The following CCDC7 variants were observed in gnomAD, a reference collection of about 807,000 sequenced individuals.
CCDC7 encodes coiled-coil domain containing 7, also known as coiled-coil domain-containing protein 7.
CCDC7 carries 183 observed loss-of-function variants against 196.9 expected under a neutral mutation model. The ratio of observed to expected loss-of-function variants is 0.93; its 90% CI spans 0.82 to 1.05. CCDC7 has a LOEUF of 1.05. Among genes scored for constraint, CCDC7 ranks in the 50% least tolerant of loss-of-function variants. The pLI, the probability that CCDC7 is intolerant of heterozygous loss-of-function variation, is 0.00. For missense variants in CCDC7, 1,540 were observed against 1,482.2 expected (o/e 1.04, Z -0.64); for synonymous variants, 525 against 484.6 (o/e 1.08, Z -1.10).
intron 18 of CCDC7, among the ~76,000 whole-genome samples, chr10:32,617,028 A>G (rs1252589507): frequency 6.6e-6 from 1 of 151,738 alleles, no homozygotes; most frequent in Non-Finnish European, 1.5e-5. Context: ...GGGTGTTTGT[A>G]TGTTTCCAGA....
At chr10:32,458,459 ATGTGTGTG>A (rs57148461) in intron 3 of CCDC7, among the ~76,000 whole-genome samples, 14 of 141,934 alleles carry the variant, frequency 9.9e-5, no homozygotes, top group African/African-American at 2.6e-4. Context: ...GTGTGTTTGC[ATGTGTGTG>A]TGTGTGTGTG....
intron 41 of CCDC7, among the ~76,000 whole-genome samples, chr10:32,863,275 A>G (rs2094074722): frequency 1.3e-5 from 2 of 152,114 alleles, no homozygotes; most frequent in Admixed American, 1.3e-4. Context: ...ATAGTAATCA[A>G]ACTCATATGG....
In CCDC7 at chr10:32,770,057, C is replaced by T. The variant is rs2078933432; in HGVS notation, c.2906-8920C>T. Among the ~76,000 whole-genome samples the T allele has an allele frequency of 3.3e-5, 5 of 152,204 alleles. 1 individual carries two copies. The South Asian group carries it at 6.2e-4, about 19-fold the overall frequency. On this transcript the variant is annotated intron_variant, in intron 28 of 41. Coordinates refer to ENST00000639629, the Ensembl canonical transcript of CCDC7. ...TCTAGATCCTTGAGGAGTCACCACA[C>T]TGTCTTCCACAATGGTTGAACTAAT...
intron 13 of CCDC7, among the ~76,000 whole-genome samples, chr10:32,559,154 AAGC>A (rs1421265265): frequency 6.6e-6 from 1 of 152,234 alleles, no homozygotes; most frequent in Admixed American, 6.5e-5. Context: ...TAGGTAAACA[AAGC>A]AGCCAGGAAG....
intron 11 of CCDC7, among the ~76,000 whole-genome samples, chr10:32,531,963 ATGT>A (rs1379547222): frequency 3.9e-5 from 6 of 151,976 alleles, no homozygotes; most frequent in African/African-American, 1.4e-4. Flanking sequence ...AGGCTTATCA[ATGT>A]TGTTTATCTT....
At chr10:32,478,132 C>A (rs2039333496) in intron 8 of CCDC7, among the ~76,000 whole-genome samples, 1 of 152,076 alleles carries the variant, frequency 6.6e-6, no homozygotes, top group African/African-American at 2.4e-5. Context: ...ATTTAAAATT[C>A]AAATACAAAT....
chr10:32,722,266 A>G (rs1204182319), intron 25 of CCDC7, among the ~76,000 whole-genome samples: 1 of 152,146 alleles, frequency 6.6e-6, no homozygotes, highest in Non-Finnish European at 1.5e-5. Context: ...TACTAAAACA[A>G]TATAACTATA....
intron 24 of CCDC7, among the ~76,000 whole-genome samples, chr10:32,699,102 G>C (rs765861437): frequency 1.3e-5 from 2 of 151,820 alleles, no homozygotes; most frequent in Admixed American, 1.3e-4. Context: ...TGTGTACAAC[G>C]TGCAGGTTTG....
At chr10:32,642,450 A>T (rs562285244) in intron 20 of CCDC7, among the ~76,000 whole-genome samples, 6 of 152,228 alleles carry the variant, frequency 3.9e-5, no homozygotes, top group Non-Finnish European at 8.8e-5. Context: ...CCTCCGAGCC[A>T]GGTGCGGGAT....
chr10:32,611,952 G>T (rs2062196596), intron 18 of CCDC7, among the ~76,000 whole-genome samples: 1 of 152,112 alleles, frequency 6.6e-6, no homozygotes, highest in African/African-American at 2.4e-5. Flanking sequence ...CTAATTCTCT[G>T]AAGAAAGTCA....
intron 29 of CCDC7, among the ~76,000 whole-genome samples, chr10:32,780,921 T>C (rs1005557859): frequency 2.6e-5 from 4 of 152,124 alleles, no homozygotes; most frequent in African/African-American, 7.2e-5. Context: ...GACAAAACTT[T>C]AGCTAGATTG....
chr10:32,669,351 C>T (rs895338275), intron 21 of CCDC7, among the ~76,000 whole-genome samples: 10 of 152,036 alleles, frequency 6.6e-5, no homozygotes, highest in Non-Finnish European at 1.5e-4. Context: ...TTTGTCTTTT[C>T]TTGTAGTGTC....
intron 20 of CCDC7, among the ~76,000 whole-genome samples, chr10:32,652,223 A>G (rs191869378): frequency 6.6e-6 from 1 of 152,282 alleles, no homozygotes; most frequent in South Asian, 2.1e-4. Context: ...TCTCATATAA[A>G]TGTAGCTACT....
chr10:32,793,236 A>G (rs4287245), intron 29 of CCDC7, among the ~76,000 whole-genome samples: 139,251 of 152,176 alleles, frequency 0.92, 64,647 homozygotes, highest in East Asian at 1. Context: ...GGAAGATTAC[A>G]TAATCAAGGC....
intron 24 of CCDC7, among the ~76,000 whole-genome samples, chr10:32,701,108 A>G (rs1011819292): frequency 1.4e-4 from 21 of 152,084 alleles, no homozygotes; most frequent in Non-Finnish European, 2.6e-4. Flanking sequence ...TAGGAGTGGT[A>G]AGAGAGGGCA....
At chr10:32,647,510 C>A (rs949242063) in intron 20 of CCDC7, among the ~76,000 whole-genome samples, 2 of 15,766 alleles carry the variant, frequency 1.3e-4, no homozygotes, top group Admixed American at 1.9e-3. Context: ...AGTTTTTTGA[C>A]TTTTTAATAA....
chr10:32,845,439 T>A (rs2093228518), intron 34 of CCDC7, 104 bp from the exon 36 acceptor site: 2 of 1,243,878 alleles, frequency 1.6e-6, no homozygotes, highest in Non-Finnish European at 2.3e-6. Flanking sequence ...GTTACATAAG[T>A]AAAATTATTC....
chr10:32,585,479 A>G (rs1471171252), intron 18 of CCDC7, among the ~76,000 whole-genome samples: 2 of 152,018 alleles, frequency 1.3e-5, no homozygotes, highest in Non-Finnish European at 1.5e-5. Context: ...GCACCCATCA[A>G]CCCGTCATCT....
At chr10:32,810,342 GA>G (rs1423578024) in intron 30 of CCDC7, among the ~76,000 whole-genome samples, 1 of 151,948 alleles carries the variant, frequency 6.6e-6, no homozygotes, top group Non-Finnish European at 1.5e-5. Context: ...CATGCAAACA[GA>G]AAACAAAAGT....
Sources: gnomAD v4.1 joint callset for allele counts (sites outside exome capture counted in the v4.1 genomes callset) on GRCh38, gnomAD v4.1.1 for gene constraint, MANE v1.5 for transcripts, NCBI Gene and HGNC (gene_info 2026-07-23, HGNC 2026-07-21) for gene names.